GATC: variants seen among roughly 807,000 people sequenced by gnomAD.
GATC encodes the protein glutamyl-tRNA(Gln) amidotransferase subunit C, mitochondrial.
A neutral mutation model predicts 14.4 loss-of-function variants in GATC; 11 were observed. That is an observed-to-expected ratio of 0.77 (90% CI 0.48 to 1.27). The LOEUF (loss-of-function observed/expected upper bound fraction) is 1.27, where lower values mean the gene tolerates loss of function less well. GATC is among the 50% of genes most tolerant of loss of function. The pLI, the probability that GATC is intolerant of heterozygous loss-of-function variation, is 0.00. For synonymous variants in GATC, 76 were observed against 79.3 expected (o/e 0.96, Z 0.22); for missense variants, 204 against 183.0 (o/e 1.11, Z -0.66).
In GATC at chr12:120,462,511, A is replaced by ATATAGT. The variant is rs1878376431; in HGVS notation, c.*2554_*2559dup. The ATATAGT allele has an allele frequency of 5.4e-6, 1 of 184,184 alleles. No individual in the cohort carries two copies. The highest frequency in any genetic ancestry group is 1.1e-5 in the Non-Finnish European group (1 of 87,224). 11.4% of individuals were successfully genotyped at this position (184,184 alleles called of 1,614,324 possible). A position where few individuals can be genotyped will look rare whatever the true frequency, so the allele number is the denominator to read the frequency against. On this transcript the variant is annotated 3_prime_UTR_variant, in exon 4 of 4. Transcript: ENST00000551765. ...AGAACTGGAAAGGATCTCAGGGGTC[A>ATATAGT]TATAGTTTAATCCCCTGCCACCTCA...
chr12:120,455,627 G>A (rs73221368), intron 2 of GATC, among the ~76,000 whole-genome samples: 1 of 151,998 alleles, frequency 6.6e-6, no homozygotes, highest in African/African-American at 2.4e-5. Context: ...GTCTAGCTTT[G>A]GGCTGGGTGC....
At chr12:120,446,931 G>A (rs942325221) in intron 2 of GATC, 102 bp downstream of exon 2, 14 of 1,201,166 alleles carry the variant, frequency 1.2e-5, no homozygotes, top group Non-Finnish European at 1.5e-5. Context: ...AAGAGTGTTA[G>A]CAAGATTCAG....
rs1282267596 is a variant in GATC at position 120,462,856 on chromosome 12, T to C, written c.*2897T>C. 1 of 152,160 alleles carries C rather than the reference T, an allele frequency of 6.6e-6. No individual in the cohort carries two copies. The highest frequency in any genetic ancestry group is 1.5e-5 in the Non-Finnish European group (1 of 68,044). The allele number at this position is 152,160 out of a possible 1,614,324, so 9.4% of individuals were successfully genotyped here. On this transcript the variant is annotated 3_prime_UTR_variant, in exon 4 of 4. Transcript: ENST00000551765. ...AAGCCGGATGCTTTTTCACCTTAGG[T>C]GAAAGTCAGTAATTGGAGTTACCCT...
At chr12:120,446,623 G>A in intron 1 of GATC, 34 bp from the exon 2 acceptor site, 2 of 1,595,002 alleles carry the variant, frequency 1.3e-6, no homozygotes, top group African/African-American at 1.3e-5. Flanking sequence ...CGGAGCGCCG[G>A]TGACCCACAC....
intron 2 of GATC, among the ~76,000 whole-genome samples, chr12:120,447,464 TG>T (rs768581044): frequency 1.3e-5 from 2 of 152,126 alleles, no homozygotes; most frequent in Non-Finnish European, 2.9e-5. Flanking sequence ...CTACCTTGAC[TG>T]CTTCTCCAGC....
chr12:120,449,181 G>A (rs910384252), intron 2 of GATC, among the ~76,000 whole-genome samples: 4 of 151,692 alleles, frequency 2.6e-5, no homozygotes, highest in Non-Finnish European at 5.9e-5. Flanking sequence ...AGATGGTCTC[G>A]ATCTCCTGAC....
chr12:120,447,118 C>G (rs1224585863), intron 2 of GATC, among the ~76,000 whole-genome samples: 2 of 148,602 alleles, frequency 1.3e-5, no homozygotes, highest in East Asian at 3.9e-4. Context: ...GCTGTGTTGC[C>G]TAGGCTGGAG....
At position 120,447,798 on chromosome 12, in the gene GATC, C is replaced by G. The variant is rs565470832; in HGVS notation, c.254+969C>G. On this transcript the variant is annotated intron_variant, in intron 2 of 3. Transcript: ENST00000551765. ...TGAGATGGAGTCTCACTCTATCACC[C>G]AGGTTAGAGTGCAGTGGCATGATCT... Among the ~76,000 whole-genome samples, 281 of 152,190 alleles carry G rather than the reference C, an allele frequency of 1.8e-3. 1 individual carries two copies. The highest frequency in any genetic ancestry group is 6.6e-3 in the African/African-American group (274 of 41,492).
At position 120,446,804 on chromosome 12, in the gene GATC, C is replaced by A; in HGVS notation, c.229C>A (p.Pro77Thr). The change falls in exon 2 of 4, where the codon CCC becomes ACC. Residue 77 changes from proline (P) to threonine (T), a missense_variant. Pro to Thr is a conservative substitution (Grantham distance 38). Coordinates refer to ENST00000551765, the MANE Select transcript of GATC (RefSeq NM_176818.3). Reference sequence around the variant, plus strand: ...CGCCGTGGACACAGACGGGGTGGAGCCCATGGAATCGGTCCTGGAGGACAG... The same window carrying A: ...CGCCGTGGACACAGACGGGGTGGAGACCATGGAATCGGTCCTGGAGGACAG... ...LRAVDTDGVEPMESVLEDRCL... is the reference protein window; with the variant it reads ...LRAVDTDGVETMESVLEDRCL... 1.2e-6 allele frequency: 2 copies of A among 1,612,990 alleles called. No homozygotes were observed. The highest frequency in any genetic ancestry group is 1.7e-4 in the Middle Eastern group (1 of 6,050).
rs1419929391 is a variant in GATC, at chr12:120,462,033, A to C, written c.*2074A>C. 5 of 1,611,190 alleles carry C rather than the reference A, an allele frequency of 3.1e-6. No homozygotes were observed. The highest frequency in any genetic ancestry group is 4.2e-6 in the Non-Finnish European group (5 of 1,179,392). On this transcript the variant is annotated 3_prime_UTR_variant, in exon 4 of 4. Coordinates refer to ENST00000551765, the MANE Select transcript of GATC (RefSeq NM_176818.3). ...CATCACCTGTCTCAGTAGGGCCTGAAAGGAGAGAAGTAGTGTGGGGAACCC... is the reference window on the plus strand; with the variant it reads ...CATCACCTGTCTCAGTAGGGCCTGACAGGAGAGAAGTAGTGTGGGGAACCC...
chr12:120,456,997 TCTC>T lies in GATC; in HGVS notation c.255-76_255-74del, dbSNP rs1878202342. On this transcript the variant is annotated intron_variant, in intron 2 of 3. Transcript: ENST00000551765. Reference sequence around the variant, plus strand: ...TCAAGAATATACTGCTTCCTTGTTCTCTCCTTCTTGCCCCTCTCCATCATCCCC... The same window carrying T: ...TCAAGAATATACTGCTTCCTTGTTCTCTTCTTGCCCCTCTCCATCATCCCC... The T allele has an allele frequency of 6.8e-6, 6 of 877,540 alleles. No homozygotes were observed. In the Admixed American group the frequency reaches 7.4e-5, roughly 11 times the overall value. 54.4% of individuals were successfully genotyped at this position (877,540 alleles called of 1,614,324 possible).
intron 3 of GATC, among the ~76,000 whole-genome samples, chr12:120,458,340 CA>C (rs1344647777): frequency 2.0e-5 from 3 of 152,020 alleles, no homozygotes; most frequent in Admixed American, 2.0e-4. Flanking sequence ...CTCAGCCTCC[CA>C]AAGTGCTGGG....
intron 2 of GATC, chr12:120,450,303 A>T (rs1480824718): frequency 6.6e-6 from 1 of 152,232 alleles, no homozygotes; most frequent in East Asian, 1.9e-4. Context: ...CCCATTAATC[A>T]TTTTAATGTG....
chr12:120,458,591 C>T (rs536026135), intron 3 of GATC, among the ~76,000 whole-genome samples: 44 of 152,224 alleles, frequency 2.9e-4, no homozygotes, highest in African/African-American at 1.0e-3. Flanking sequence ...AAATCCAGAA[C>T]CTTGGATAGG....
At position 120,461,213 on chromosome 12, in the gene GATC, A is replaced by C. The variant is rs117232182; in HGVS notation, c.*1254A>C. On this transcript the variant is annotated 3_prime_UTR_variant, in exon 4 of 4. Transcript: ENST00000551765. The stretch of plus-strand genomic sequence containing the variant: ...TGGGCTCAAGTGATCCTCCCACCTC[A>C]GCCTCCTAAGTAACTGGGACTACAT... 2,088 of 152,086 alleles carry C rather than the reference A, an allele frequency of 0.014. 18 individuals carry two copies. The highest frequency in any genetic ancestry group is 0.022 in the Non-Finnish European group (1,522 of 68,048). The allele number at this position is 152,086 out of a possible 1,614,324, so 9.4% of individuals were successfully genotyped here.
chr12:120,462,498 G>T lies in GATC; in HGVS notation c.*2539G>T. ...CCCCTCAAAGCTAAGAACTGGAAAGGATCTCAGGGGTCATATAGTTTAATC... is the reference window on the plus strand; with the variant it reads ...CCCCTCAAAGCTAAGAACTGGAAAGTATCTCAGGGGTCATATAGTTTAATC... On this transcript the variant is annotated 3_prime_UTR_variant, in exon 4 of 4. Coordinates refer to ENST00000551765, the MANE Select transcript of GATC (RefSeq NM_176818.3). 5.2e-6 allele frequency: 1 copy of T among 193,644 alleles called. No individual in the cohort carries two copies. Among genetic ancestry groups the T allele is most frequent in the Non-Finnish European group, 1.1e-5 (1 of 92,936 alleles). 12.0% of individuals were successfully genotyped at this position (193,644 alleles called of 1,614,324 possible). A position where few individuals can be genotyped will look rare whatever the true frequency, so the allele number is the denominator to read the frequency against.
Position 120,446,496 on chromosome 12 carries a change from G to C in GATC, c.16G>C (p.Val6Leu). The C allele has an allele frequency of 6.2e-7, 1 of 1,607,626 alleles. No individual in the cohort carries two copies. Among genetic ancestry groups the C allele is most frequent in the Non-Finnish European group, 8.5e-7 (1 of 1,176,240 alleles). MWSRLVWLGLRAPLGG... is the reference protein window; with the variant it reads MWSRLLWLGLRAPLGG... ...GAAGGAAGAAATGTGGTCGCGGTTGGTGTGGCTGGGCCTTCGGGCCCCTCT... is the reference window on the plus strand; with the variant it reads ...GAAGGAAGAAATGTGGTCGCGGTTGCTGTGGCTGGGCCTTCGGGCCCCTCT... The change falls in exon 1 of 4, where the codon GTG (valine) becomes CTG (leucine). Residue 6 changes from valine (V) to leucine (L), a missense_variant. By Grantham distance (32) the Val-to-Leu change is conservative (BLOSUM62 1). Transcript: ENST00000551765.
chr12:120,446,860 G>T, intron 2 of GATC, 31 bp downstream of exon 2: 1 of 1,559,106 alleles, frequency 6.4e-7, no homozygotes, highest in South Asian at 1.2e-5. Flanking sequence ...CCGAAGCCTT[G>T]ACCGTGGCCC....
At chr12:120,455,050 GCTAA>G (rs997244094) in intron 2 of GATC, 7 of 423,852 alleles carry the variant, frequency 1.7e-5, no homozygotes, top group African/African-American at 1.2e-4. Flanking sequence ...ACCATGCCCG[GCTAA>G]CTTTTATATT....
Sources: gnomAD v4.1 joint callset for allele counts (sites outside exome capture counted in the v4.1 genomes callset) on GRCh38, gnomAD v4.1.1 for gene constraint, MANE v1.5 for transcripts, NCBI Gene and HGNC (gene_info 2026-07-23, HGNC 2026-07-21) for gene names.